The following GPC5 variants were observed in gnomAD, a reference collection of about 807,000 sequenced individuals.
The protein encoded by GPC5 is glypican 5.
Under a neutral mutation model 53.9 loss-of-function variants are expected in GPC5, and 47 were observed. The ratio of observed to expected loss-of-function variants is 0.87; its 90% CI spans 0.69 to 1.11. The LOEUF (loss-of-function observed/expected upper bound fraction) is 1.11. GPC5 is among the 50% of genes most tolerant of loss of function. The probability of loss-of-function intolerance (pLI) is 0.00; values close to 1 mark genes in which losing one functional copy is unlikely to be tolerated. For missense variants in GPC5, 748 were observed against 713.1 expected (o/e 1.05, Z -0.56); for synonymous variants, 286 against 263.3 (o/e 1.09, Z -0.84).
chr13:91,544,328 TCTAA>T lies in GPC5; in HGVS notation c.325+95410_325+95413del, dbSNP rs35367431. Among the ~76,000 whole-genome samples, 798 of 152,314 alleles carry T rather than the reference TCTAA, an allele frequency of 5.2e-3. 41 individuals carry two copies. The East Asian group carries it at 0.12, about 23-fold the overall frequency. ...TATTTTTAAAGATTTTTAAAAACTT[TCTAA>T]CTATTCTAATTTTCTTGAAAATACT... On this transcript the variant is annotated intron_variant, in intron 2 of 7. Coordinates refer to ENST00000377067, the MANE Select transcript of GPC5 (RefSeq NM_004466.6).
chr13:91,689,127 G>GCATCACA (rs1402386333), intron 2 of GPC5, among the ~76,000 whole-genome samples: 2 of 140,496 alleles, frequency 1.4e-5, no homozygotes, highest in East Asian at 4.3e-4. Flanking sequence ...TATGATCCTG[G>GCATCACA]CATCACACTG....
intron 7 of GPC5, among the ~76,000 whole-genome samples, chr13:92,621,481 AC>A (rs1427944315): frequency 2.0e-5 from 3 of 152,110 alleles, no homozygotes; most frequent in Non-Finnish European, 4.4e-5. Flanking sequence ...ACGTGACTGA[AC>A]TTTTGCCCAG....
intron 7 of GPC5, among the ~76,000 whole-genome samples, chr13:92,780,516 A>G (rs900194430): frequency 2.0e-4 from 31 of 151,988 alleles, no homozygotes; most frequent in African/African-American, 7.2e-4. Context: ...CTTTGCGTAT[A>G]GACAGTTAAT....
chr13:92,673,302 GA>G (rs1886818376), intron 7 of GPC5, among the ~76,000 whole-genome samples: 1 of 144,944 alleles, frequency 6.9e-6, no homozygotes, highest in Non-Finnish European at 1.5e-5. Context: ...TTTTTTTTGA[GA>G]TGGAATCTCG....
rs555275172 is a variant in GPC5 at position 91,476,846 on chromosome 13, C to A, written c.325+27924C>A. Among the ~76,000 whole-genome samples the A allele has an allele frequency of 3.3e-5, 5 of 152,240 alleles. No homozygotes were observed. In the South Asian group the frequency reaches 1.0e-3, roughly 32 times the overall value. On this transcript the variant is annotated intron_variant, in intron 2 of 7. Transcript: ENST00000377067. ...ATCTACAAAGAACTGTAAGAAGATA[C>A]AAATAGTGGAAGCAAAGAAAATGGC... is the stretch of plus-strand genomic sequence containing the variant.
chr13:92,257,144 CTT>C (rs1185161876), intron 7 of GPC5, among the ~76,000 whole-genome samples: 3 of 152,108 alleles, frequency 2.0e-5, no homozygotes, highest in Admixed American at 6.5e-5. Context: ...GGATATTTAA[CTT>C]CAGGTAAATT....
chr13:92,137,162 A>G (rs1195513397), intron 6 of GPC5, among the ~76,000 whole-genome samples: 2 of 152,182 alleles, frequency 1.3e-5, no homozygotes, highest in Non-Finnish European at 2.9e-5. Flanking sequence ...TCAAGTATAT[A>G]AAGTGCTTTC....
chr13:92,141,470 T>A (rs930686027), intron 6 of GPC5, among the ~76,000 whole-genome samples: 112 of 152,276 alleles, frequency 7.4e-4, no homozygotes, highest in Middle Eastern at 3.4e-3. Context: ...AAGGGTACCA[T>A]CTTCTCAGGA....
At chr13:92,400,928 T>A (rs887984054) in intron 7 of GPC5, among the ~76,000 whole-genome samples, 2 of 152,260 alleles carry the variant, frequency 1.3e-5, no homozygotes, top group South Asian at 2.1e-4. Flanking sequence ...TGGGTCTTTT[T>A]TTTTTGCCCC....
chr13:92,767,104 T>C (rs964456268), intron 7 of GPC5, among the ~76,000 whole-genome samples: 1 of 152,182 alleles, frequency 6.6e-6, no homozygotes, highest in African/African-American at 2.4e-5. Context: ...ATTGACTCCA[T>C]GGGAGAAAGA....
chr13:91,486,683 A>G (rs1474001952), intron 2 of GPC5: 3 of 152,210 alleles, frequency 2.0e-5, no homozygotes, highest in Non-Finnish European at 4.4e-5. Flanking sequence ...ACCAGAAAAC[A>G]AACAAAAATC....
intron 5 of GPC5, among the ~76,000 whole-genome samples, chr13:91,888,645 G>C (rs1213658995): frequency 6.6e-6 from 1 of 152,140 alleles, no homozygotes; most frequent in Non-Finnish European, 1.5e-5. Context: ...GCAAGAATGA[G>C]TGCTGGTTTA....
chr13:91,908,907 T>A (rs2138999327), intron 6 of GPC5, among the ~76,000 whole-genome samples: 1 of 152,154 alleles, frequency 6.6e-6, no homozygotes, highest in African/African-American at 2.4e-5. Context: ...TAGTACAGAG[T>A]TTTTATTGCA....
chr13:92,361,248 C>T (rs963333654), intron 7 of GPC5, among the ~76,000 whole-genome samples: 1 of 151,672 alleles, frequency 6.6e-6, no homozygotes. Flanking sequence ...CATGCCACAG[C>T]TTGAAACATC....
chr13:92,720,635 A>G (rs1888482357), intron 7 of GPC5, among the ~76,000 whole-genome samples: 1 of 152,130 alleles, frequency 6.6e-6, no homozygotes, highest in Non-Finnish European at 1.5e-5. Context: ...CATAAATGCA[A>G]ATATATTCTG....
chr13:92,665,400 A>G (rs1886535519), intron 7 of GPC5, among the ~76,000 whole-genome samples: 1 of 152,200 alleles, frequency 6.6e-6, no homozygotes, highest in African/African-American at 2.4e-5. Flanking sequence ...CGGAAGTGTC[A>G]AACCAAGGAC....
intron 7 of GPC5, among the ~76,000 whole-genome samples, chr13:92,762,437 C>T (rs1165027417): frequency 6.6e-6 from 1 of 152,064 alleles, no homozygotes; most frequent in African/African-American, 2.4e-5. Context: ...AATAAAAATA[C>T]AGCACTACAT....
At chr13:91,620,538 A>G (rs1473004466) in intron 2 of GPC5, among the ~76,000 whole-genome samples, 1 of 152,138 alleles carries the variant, frequency 6.6e-6, no homozygotes, top group Non-Finnish European at 1.5e-5. Context: ...TCTGTTCTGC[A>G]TCTCTCTTTG....
intron 5 of GPC5, among the ~76,000 whole-genome samples, chr13:91,869,147 C>T (rs1352942671): frequency 1.3e-5 from 2 of 152,048 alleles, no homozygotes; most frequent in Admixed American, 6.6e-5. Flanking sequence ...ACAAGCTCTG[C>T]CCCCTGGGTT....
Sources: gnomAD v4.1 joint callset for allele counts (sites outside exome capture counted in the v4.1 genomes callset) on GRCh38, gnomAD v4.1.1 for gene constraint, MANE v1.5 for transcripts, NCBI Gene and HGNC (gene_info 2026-07-23, HGNC 2026-07-21) for gene names.